Variants in PCDHA2 observed in about 807,000 individuals in gnomAD.
PCDHA2 encodes protocadherin alpha-2.
A neutral mutation model predicts 66.0 loss-of-function variants in PCDHA2; 58 were observed. The ratio of observed to expected loss-of-function variants is 0.88; its 90% CI spans 0.71 to 1.09. PCDHA2 has a LOEUF of 1.09. Among genes scored for constraint, PCDHA2 ranks in the 50% least tolerant of loss-of-function variants. The pLI is 0.00. For missense variants in PCDHA2, 1,267 were observed against 1,242.3 expected (o/e 1.02, Z -0.30); for synonymous variants, 634 against 554.0 (o/e 1.14, Z -2.03).
rs2150130181 is a variant in PCDHA2, at chr5:140,823,906, G to A, written c.2388+26554G>A. 215 of 1,613,906 alleles carry A rather than the reference G, an allele frequency of 1.3e-4. No homozygotes were observed. The highest frequency in any genetic ancestry group is 1.7e-4 in the Non-Finnish European group (199 of 1,179,958). On this transcript the variant is annotated intron_variant, in intron 1 of 3. Transcript: ENST00000526136. ...CATCTGTGCGGTGTCCAGCCTGCTGGTGCTCACGCTGCTGCTGTACACCGC... is the reference window on the plus strand; with the variant it reads ...CATCTGTGCGGTGTCCAGCCTGCTGATGCTCACGCTGCTGCTGTACACCGC...
At chr5:140,830,250 C>G (rs2150183440) in intron 1 of PCDHA2, 3 of 1,613,904 alleles carry the variant, frequency 1.9e-6, no homozygotes, top group Admixed American at 1.7e-5. Flanking sequence ...CTGTACACAG[C>G]GCTGCGGTGC....
At chr5:140,966,678 C>G (rs2096036369) in intron 1 of PCDHA2, 8 of 1,313,236 alleles carry the variant, frequency 6.1e-6, no homozygotes, top group Non-Finnish European at 2.9e-6. Context: ...CAGGGTGGCA[C>G]GAGCGGAGGC....
At chr5:140,933,119 G>A (rs782069505) in intron 1 of PCDHA2, among the ~76,000 whole-genome samples, 1 of 151,936 alleles carries the variant, frequency 6.6e-6, no homozygotes, top group African/African-American at 2.4e-5. Context: ...AAGAAACAAA[G>A]CTAAATAATA....
At position 140,924,894 on chromosome 5, in the gene PCDHA2, C is replaced by CAAAAAA. The variant is rs782133089; in HGVS notation, c.2389-54049_2389-54044dup. Among the ~76,000 whole-genome samples, 6 of 71,470 alleles carry CAAAAAA rather than the reference C, an allele frequency of 8.4e-5. No homozygotes were observed. In the East Asian group the frequency reaches 2.6e-3, roughly 31 times the overall value. 46.9% of individuals were successfully genotyped at this position (71,470 alleles called of 152,430 possible). A position where few individuals can be genotyped will look rare whatever the true frequency, so the allele number is the denominator to read the frequency against. On this transcript the variant is annotated intron_variant, in intron 1 of 3. Transcript: ENST00000526136. ...TGGGTGACAGAGCAAGAACCTGTCT[C>CAAAAAA]AAAAAAAAAAATAAAATAAAATAAA... is the stretch of plus-strand genomic sequence containing the variant.
At chr5:140,908,971 C>T (rs2074247509) in intron 1 of PCDHA2, among the ~76,000 whole-genome samples, 1 of 152,274 alleles carries the variant, frequency 6.6e-6, no homozygotes, top group Admixed American at 6.5e-5. Flanking sequence ...TGATAGGCCC[C>T]ACTCCACTGG....
chr5:140,857,567 G>C, intron 1 of PCDHA2: 1 of 1,596,986 alleles, frequency 6.3e-7, no homozygotes, highest in Non-Finnish European at 8.6e-7. Flanking sequence ...GTCGAGCTAC[G>C]TGTCGGTGCA....
intron 1 of PCDHA2, chr5:140,927,999 C>T: frequency 6.2e-7 from 1 of 1,614,174 alleles, no homozygotes; most frequent in Non-Finnish European, 8.5e-7. Flanking sequence ...ATGAAGACCT[C>T]GATTCTAATG....
intron 3 of PCDHA2, among the ~76,000 whole-genome samples, chr5:141,007,395 C>CAA (rs35800918): frequency 2.8e-4 from 27 of 94,848 alleles, no homozygotes; most frequent in South Asian, 7.0e-4. Context: ...TACTAAAATA[C>CAA]AAAAAAAAAA....
At chr5:140,913,734 A>C (rs1408251545) in intron 1 of PCDHA2, among the ~76,000 whole-genome samples, 1 of 152,070 alleles carries the variant, frequency 6.6e-6, no homozygotes, top group African/African-American at 2.4e-5. Context: ...TCCCTCTAAT[A>C]GTACTCCTTT....
At chr5:140,966,416 A>T in intron 1 of PCDHA2, 1 of 419,730 alleles carries the variant, frequency 2.4e-6, no homozygotes, top group Non-Finnish European at 4.1e-6. Context: ...TCAGAGCAGG[A>T]CTTGCTGAGC....
intron 1 of PCDHA2, chr5:140,834,849 G>A: frequency 6.2e-7 from 1 of 1,610,850 alleles, no homozygotes; most frequent in East Asian, 2.2e-5. Flanking sequence ...TCCACTAGAG[G>A]GCGCGTCCGA....
intron 1 of PCDHA2, chr5:140,857,730 C>T (rs782671299): frequency 6.3e-7 from 1 of 1,597,474 alleles, no homozygotes. Context: ...AACGACAACG[C>T]TCCCGCGCTG....
At chr5:140,834,191 T>A in intron 1 of PCDHA2, 1 of 586,888 alleles carries the variant, frequency 1.7e-6, no homozygotes, top group Non-Finnish European at 3.0e-6. Context: ...ATGATGTCGC[T>A]CTTTACCGCA....
rs782158371 is a variant in PCDHA2 at position 140,794,978 on chromosome 5, T to C, written c.14T>C (p.Ile5Thr). ...TGAGGATTGGTAATGGCGTCTTCTA[T>C]CAGAAGGGGCCGAGGGGCCTGGACA... MASS[I>T]RRGRGAWTRL... is the part of the protein sequence containing the mutation. The change falls in exon 1 of 4, where the codon ATC becomes ACC. Residue 5 changes from isoleucine (I) to threonine (T), a missense_variant. Physicochemically the swap from Ile to Thr is moderately conservative, Grantham distance 89. Coordinates refer to ENST00000526136, the MANE Select transcript of PCDHA2 (RefSeq NM_018905.3). 6.2e-7 allele frequency: 1 copy of C among 1,610,506 alleles called. No homozygotes were observed. The highest frequency in any genetic ancestry group is 1.1e-5 in the South Asian group (1 of 90,772).
chr5:141,010,073 T>C lies in PCDHA2; in HGVS notation c.*136T>C. On this transcript the variant is annotated 3_prime_UTR_variant, in exon 4 of 4. Coordinates refer to ENST00000526136, the MANE Select transcript of PCDHA2 (RefSeq NM_018905.3). ...CCTCAGAAATCTGCAGAAAGTTCCC[T>C]GTGTCTGTCTAGAACGCATTTAACA... 6.2e-7 allele frequency: 1 copy of C among 1,606,602 alleles called. No individual in the cohort carries two copies. The highest frequency in any genetic ancestry group is 1.7e-5 in the Admixed American group (1 of 59,096).
intron 1 of PCDHA2, chr5:140,861,770 C>T (rs2047074115): frequency 6.2e-6 from 1 of 161,486 alleles, no homozygotes; most frequent in African/African-American, 2.4e-5. Flanking sequence ...CCTGGAAATA[C>T]CAAGAGCAGG....
chr5:140,871,588 T>C, intron 1 of PCDHA2: 1 of 1,463,366 alleles, frequency 6.8e-7, no homozygotes, highest in Non-Finnish European at 9.1e-7. Context: ...GAAAGTTTTA[T>C]GAATAACCAG....
intron 1 of PCDHA2, chr5:140,969,574 G>T (rs948199454): frequency 1.0e-6 from 1 of 983,446 alleles, no homozygotes; most frequent in Non-Finnish European, 1.5e-6. Context: ...TGTTTGAGAA[G>T]TGAGGATTAG....
intron 1 of PCDHA2, chr5:140,860,059 T>A (rs894082800): frequency 2.7e-5 from 4 of 150,452 alleles, no homozygotes; most frequent in African/African-American, 9.8e-5. Context: ...GAGGCCAAGG[T>A]GGGAGGATGG....
Sources: gnomAD v4.1 joint callset for allele counts (sites outside exome capture counted in the v4.1 genomes callset) on GRCh38, gnomAD v4.1.1 for gene constraint, MANE v1.5 for transcripts, NCBI Gene and HGNC (gene_info 2026-07-23, HGNC 2026-07-21) for gene names.